The following DOCK3 variants were observed in gnomAD, a reference collection of about 807,000 sequenced individuals.
DOCK3 encodes the protein dedicator of cytokinesis 3, also known as dedicator of cytokinesis protein 3.
In DOCK3, 60 loss-of-function variants were observed where a neutral mutation model predicts 265.6. The ratio of observed to expected loss-of-function variants is 0.23; its 90% CI spans 0.18 to 0.28. The LOEUF is 0.28. DOCK3 is among the 10% of genes least tolerant of loss of function. DOCK3 has a pLI of 1.00. For synonymous variants in DOCK3, 881 were observed against 938.0 expected (o/e 0.94, Z 1.11); for missense variants, 1,981 against 2,594.3 (o/e 0.76, Z 5.14).
chr3:51,327,527 T>C (rs1471424323), intron 32 of DOCK3, among the ~76,000 whole-genome samples: 13 of 152,142 alleles, frequency 8.5e-5, no homozygotes, highest in African/African-American at 2.9e-4. Flanking sequence ...GAAGAACTTA[T>C]TATTTTGTTT....
chr3:50,683,764 A>G (rs1427769391), intron 1 of DOCK3, among the ~76,000 whole-genome samples: 2 of 151,972 alleles, frequency 1.3e-5, no homozygotes, highest in African/African-American at 2.4e-5. Flanking sequence ...GAAGGGTGGC[A>G]CTAAACTTTT....
At chr3:50,789,127 A>G (rs2042338692) in intron 2 of DOCK3, among the ~76,000 whole-genome samples, 1 of 152,114 alleles carries the variant, frequency 6.6e-6, no homozygotes, top group Non-Finnish European at 1.5e-5. Context: ...GTTTAATGCT[A>G]AGAACTTTTC....
At chr3:50,922,385 G>T (rs549284292) in intron 4 of DOCK3, among the ~76,000 whole-genome samples, 9 of 152,228 alleles carry the variant, frequency 5.9e-5, no homozygotes, top group African/African-American at 2.2e-4. Flanking sequence ...CTGGTGTGCT[G>T]TTTGCTAAGA....
chr3:51,264,258 C>G (rs1174549440), intron 23 of DOCK3, among the ~76,000 whole-genome samples: 1 of 152,176 alleles, frequency 6.6e-6, no homozygotes, highest in East Asian at 1.9e-4. Context: ...AAGAAACTCA[C>G]TCAAAACCAC....
intron 9 of DOCK3, among the ~76,000 whole-genome samples, chr3:51,115,743 C>T (rs1408259325): frequency 2.6e-5 from 4 of 152,068 alleles, no homozygotes; most frequent in Non-Finnish European, 4.4e-5. Context: ...AATGATATTG[C>T]CTAGATTTTC....
At chr3:51,274,012 G>A (rs558117952) in intron 24 of DOCK3, among the ~76,000 whole-genome samples, 1 of 152,342 alleles carries the variant, frequency 6.6e-6, no homozygotes, top group South Asian at 2.1e-4. Context: ...CTCGTGAGAG[G>A]AGTCAACTTG....
rs181295706 is a variant in DOCK3 at position 50,784,676 on chromosome 3, A to T, written c.121+5918A>T. ...GTGTTTCCATTTGTTTGTGTCATCT[A>T]TGTTTTCTTTCAGCAGTGTTTTATA... is the stretch of plus-strand genomic sequence containing the variant. On this transcript the variant is annotated intron_variant, in intron 2 of 52. Coordinates refer to ENST00000266037, the MANE Select transcript of DOCK3 (RefSeq NM_004947.5). Among the ~76,000 whole-genome samples, 8 of 152,274 alleles carry T rather than the reference A, an allele frequency of 5.3e-5. No individual in the cohort carries two copies. In the South Asian group the frequency reaches 1.7e-3, roughly 32 times the overall value.
At chr3:51,338,278 T>C in intron 35 of DOCK3, 81 bp from the exon 36 acceptor site, 8 of 1,479,668 alleles carry the variant, frequency 5.4e-6, no homozygotes, top group Non-Finnish European at 7.4e-6. Flanking sequence ...GTCATACTAA[T>C]GCCCCAGTGA....
At chr3:51,351,029 TAA>T (rs980870644) in intron 40 of DOCK3, among the ~76,000 whole-genome samples, 1 of 152,128 alleles carries the variant, frequency 6.6e-6, no homozygotes, top group Admixed American at 6.5e-5. Context: ...AACTGGAATA[TAA>T]AAAGAGTGGA....
intron 19 of DOCK3, among the ~76,000 whole-genome samples, chr3:51,230,103 T>C (rs537035321): frequency 2.0e-5 from 3 of 152,334 alleles, no homozygotes; most frequent in African/African-American, 4.8e-5. Flanking sequence ...TTATATGCCA[T>C]GTTTTCTTTT....
At chr3:50,874,539 T>C (rs919906594) in intron 3 of DOCK3, among the ~76,000 whole-genome samples, 2 of 151,498 alleles carry the variant, frequency 1.3e-5, no homozygotes, top group Non-Finnish European at 2.9e-5. Context: ...ACAAAAAAAG[T>C]ATAGGCATTT....
At chr3:50,980,453 T>G (rs2077647887) in intron 5 of DOCK3, among the ~76,000 whole-genome samples, 1 of 152,232 alleles carries the variant, frequency 6.6e-6, no homozygotes, top group South Asian at 2.1e-4. Context: ...GGTTTTGCTA[T>G]TTGATGATGC....
intron 9 of DOCK3, among the ~76,000 whole-genome samples, chr3:51,130,096 C>T (rs1462686059): frequency 6.6e-6 from 1 of 152,216 alleles, no homozygotes; most frequent in African/African-American, 2.4e-5. Context: ...CCACTGGACT[C>T]CTAGAAATTT....
chr3:51,151,983 T>C (rs1332984414), intron 10 of DOCK3, among the ~76,000 whole-genome samples: 1 of 152,188 alleles, frequency 6.6e-6, no homozygotes. Flanking sequence ...TTGGAGTTGC[T>C]CTTCTCAAGG....
chr3:50,736,016 C>T (rs1005363933), intron 1 of DOCK3, among the ~76,000 whole-genome samples: 2 of 152,182 alleles, frequency 1.3e-5, no homozygotes, highest in Non-Finnish European at 2.9e-5. Context: ...TCGTCATTTA[C>T]ATTAGGTATA....
chr3:51,219,304 T>C (rs1377275459), intron 14 of DOCK3, among the ~76,000 whole-genome samples: 1 of 152,228 alleles, frequency 6.6e-6, no homozygotes, highest in East Asian at 1.9e-4. Flanking sequence ...GTTCTGTCTT[T>C]TGTGTGCTCT....
At chr3:51,290,797 T>C (rs56037427) in intron 27 of DOCK3, among the ~76,000 whole-genome samples, 3,571 of 152,220 alleles carry the variant, frequency 0.023, 155 homozygotes, top group African/African-American at 0.081. Flanking sequence ...AAAGAGACAG[T>C]GGGCTGGGCA....
intron 26 of DOCK3, 143 bp from the exon 27 acceptor site, chr3:51,279,962 CT>C (rs2081022881): frequency 1.5e-6 from 1 of 663,074 alleles, no homozygotes; most frequent in Non-Finnish European, 2.6e-6. Context: ...GAAAATAAAG[CT>C]TTAGAGGGCT....
intron 4 of DOCK3, among the ~76,000 whole-genome samples, chr3:50,929,664 T>C (rs999165259): frequency 6.6e-6 from 1 of 152,206 alleles, no homozygotes; most frequent in Non-Finnish European, 1.5e-5. Context: ...GCTACTACGC[T>C]GAGATATTTA....
Sources: allele counts gnomAD v4.1 joint callset (sites outside exome capture counted in the v4.1 genomes callset), GRCh38; gene constraint gnomAD v4.1.1; transcripts MANE v1.5; gene names NCBI Gene and HGNC (gene_info 2026-07-23, HGNC 2026-07-21).